IGSF11: variants seen among roughly 807,000 people sequenced by gnomAD.
IGSF11 encodes immunoglobulin superfamily member 11, also known as CXADR like 1.
Under a neutral mutation model 41.0 loss-of-function variants are expected in IGSF11, and 22 were observed. The ratio of observed to expected loss-of-function variants is 0.54; its 90% CI spans 0.38 to 0.77. IGSF11 has a LOEUF of 0.77. IGSF11 is among the 30% of genes least tolerant of loss of function. IGSF11 has a pLI of 0.00. For missense variants in IGSF11, 444 were observed against 530.8 expected, an observed-to-expected ratio of 0.84 and a Z score of 1.61; for synonymous variants, 219 against 201.3, an observed-to-expected ratio of 1.09 and a Z score of -0.74.
intron 1 of IGSF11, among the ~76,000 whole-genome samples, chr3:118,984,051 AT>A (rs1373482028): frequency 1.3e-5 from 2 of 151,802 alleles, no homozygotes; most frequent in Non-Finnish European, 2.9e-5. Context: ...CACTATCTAG[AT>A]TCATTCAGCC....
intron 1 of IGSF11, among the ~76,000 whole-genome samples, chr3:119,118,214 G>A (rs1014793823): frequency 1.3e-5 from 2 of 152,202 alleles, no homozygotes; most frequent in African/African-American, 4.8e-5. Flanking sequence ...CTTCTGCATT[G>A]CCCTAGCAAA....
chr3:119,089,316 A>G (rs1438014458), intron 1 of IGSF11, among the ~76,000 whole-genome samples: 1 of 152,200 alleles, frequency 6.6e-6, no homozygotes, highest in African/African-American at 2.4e-5. Context: ...AACAGGATCA[A>G]AAACAAAAAC....
At chr3:119,012,289 A>G (rs1264883443) in intron 1 of IGSF11, among the ~76,000 whole-genome samples, 1 of 152,188 alleles carries the variant, frequency 6.6e-6, no homozygotes, top group African/African-American at 2.4e-5. Context: ...AAAAAACTAC[A>G]AAGGTCTGCT....
intron 1 of IGSF11, among the ~76,000 whole-genome samples, chr3:118,980,109 A>C (rs1167266730): frequency 1.2e-4 from 19 of 152,114 alleles, no homozygotes. Context: ...ATGGACATTC[A>C]AAAAACAACA....
intron 1 of IGSF11, among the ~76,000 whole-genome samples, chr3:119,135,763 C>A (rs893773286): frequency 6.6e-6 from 1 of 152,086 alleles, no homozygotes; most frequent in Admixed American, 6.6e-5. Flanking sequence ...CACATGCACA[C>A]GTATGTTTAC....
In IGSF11 at chr3:119,067,035, G is replaced by A. The variant is rs147097991; in HGVS notation, c.49+38109C>T. The stretch of plus-strand genomic sequence containing the variant: ...CCAATATCTGGACCACATGTGGCCC[G>A]AGCATAACTGTCTGCTTTTTTCTTC... On this transcript the variant is annotated intron_variant, in intron 1 of 6. Coordinates refer to the IGSF11 transcript ENST00000354673. Among the ~76,000 whole-genome samples the A allele has an allele frequency of 3.6e-4, 54 of 152,084 alleles. 1 individual carries two copies. Among genetic ancestry groups the A allele is most frequent in the East Asian group, 3.5e-3 (18 of 5,180 alleles).
At chr3:119,083,120 TTTTTTC>T (rs1218972423) in intron 1 of IGSF11, among the ~76,000 whole-genome samples, 4 of 107,600 alleles carry the variant, frequency 3.7e-5, no homozygotes, top group Non-Finnish European at 5.4e-5. Flanking sequence ...TTTCTTTTTC[TTTTTTC>T]TTTTTTTTTT....
chr3:119,117,324 T>A (rs1275404600), intron 1 of IGSF11, among the ~76,000 whole-genome samples: 1 of 152,150 alleles, frequency 6.6e-6, no homozygotes. Context: ...TTTAATGGAC[T>A]TACAGTTCCA....
intron 1 of IGSF11, among the ~76,000 whole-genome samples, chr3:119,111,325 C>T (rs1260799481): frequency 6.6e-6 from 1 of 152,134 alleles, no homozygotes; most frequent in Non-Finnish European, 1.5e-5. Flanking sequence ...TCCCTTCTTG[C>T]TTCATTTCAT....
At chr3:119,131,504 C>A (rs2866470) in intron 1 of IGSF11, among the ~76,000 whole-genome samples, 148,929 of 152,312 alleles carry the variant, frequency 0.98, 72,899 homozygotes, top group East Asian at 1. Context: ...TTAGAGAAAA[C>A]AGAGTAAAAA....
chr3:118,951,694 C>T (rs1426980575), intron 1 of IGSF11, among the ~76,000 whole-genome samples: 1 of 152,024 alleles, frequency 6.6e-6, no homozygotes, highest in Non-Finnish European at 1.5e-5. Context: ...CCCCAGACAC[C>T]AAAATCCCCA....
intron 1 of IGSF11, among the ~76,000 whole-genome samples, chr3:118,938,181 G>A (rs915544680): frequency 1.2e-4 from 19 of 152,168 alleles, no homozygotes; most frequent in African/African-American, 4.6e-4. Context: ...AAAACTTGGT[G>A]TGAACTTTAT....
chr3:119,061,854 A>C (rs527925703), intron 1 of IGSF11, among the ~76,000 whole-genome samples: 1 of 151,682 alleles, frequency 6.6e-6, no homozygotes, highest in Non-Finnish European at 1.5e-5. Flanking sequence ...TGTCCTAGAG[A>C]TTTGGGCATG....
intron 5 of IGSF11, 25 bp downstream of exon 5, chr3:118,905,571 G>A (rs749470913): frequency 1.9e-6 from 3 of 1,613,008 alleles, no homozygotes; most frequent in Non-Finnish European, 2.5e-6. Flanking sequence ...ACCCATGGTT[G>A]ACATCAGAAT....
intron 1 of IGSF11, among the ~76,000 whole-genome samples, chr3:118,950,971 C>T (rs1944528808): frequency 6.6e-6 from 1 of 152,150 alleles, no homozygotes. Context: ...GGTGATTTCT[C>T]ACCAAGGAAT....
chr3:119,141,042 T>TAAAAAAAAA (rs35323898), intron 1 of IGSF11, among the ~76,000 whole-genome samples: 9 of 99,740 alleles, frequency 9.0e-5, no homozygotes, highest in East Asian at 2.8e-4. Context: ...TCTGTCTCAT[T>TAAAAAAAAA]AAAAAAAAAA....
chr3:118,914,049 G>A (rs1559884996), intron 4 of IGSF11, among the ~76,000 whole-genome samples: 1 of 152,122 alleles, frequency 6.6e-6, no homozygotes, highest in Admixed American at 6.6e-5. Context: ...TTTGGATAGA[G>A]AGTAGAGTTT....
At chr3:119,063,427 G>T (rs1942117105) in intron 1 of IGSF11, among the ~76,000 whole-genome samples, 1 of 152,084 alleles carries the variant, frequency 6.6e-6, no homozygotes, top group South Asian at 2.1e-4. Flanking sequence ...ATGTTTTCTT[G>T]TAAATTTTCC....
At chr3:118,908,944 C>T (rs756677114) in intron 4 of IGSF11, among the ~76,000 whole-genome samples, 3 of 152,168 alleles carry the variant, frequency 2.0e-5, no homozygotes, top group Non-Finnish European at 4.4e-5. Context: ...ATTTTAGTTT[C>T]CTCATCTGTA....
Sources: allele counts gnomAD v4.1 joint callset (sites outside exome capture counted in the v4.1 genomes callset), GRCh38; gene constraint gnomAD v4.1.1; transcripts MANE v1.5; gene names NCBI Gene and HGNC (gene_info 2026-07-23, HGNC 2026-07-21).